LINGO2: variants seen among roughly 807,000 people sequenced by gnomAD.
LINGO2 encodes leucine-rich repeat and immunoglobulin-like domain-containing nogo receptor-interacting protein 2.
A neutral mutation model predicts 30.6 loss-of-function variants in LINGO2; 14 were observed. The ratio of observed to expected loss-of-function variants is 0.46; its 90% CI spans 0.30 to 0.72. The LOEUF is 0.72. Ranked by LOEUF, LINGO2 falls within the 30% of genes least tolerant of loss-of-function variation. The pLI, the probability that LINGO2 is intolerant of heterozygous loss-of-function variation, is 0.07. For missense variants in LINGO2, 729 were observed against 751.7 expected (o/e 0.97, Z 0.35); for synonymous variants, 317 against 288.5 (o/e 1.10, Z -1.00).
At chr9:28,985,172 T>A in the LINGO2 span, among the ~76,000 whole-genome samples, 1 of 152,124 alleles carries the variant, frequency 6.6e-6, no homozygotes, top group Non-Finnish European at 1.5e-5. Flanking sequence ...TCCAATTCCA[T>A]CCAAGTTGTT....
chr9:28,842,481 T>C, the LINGO2 span, among the ~76,000 whole-genome samples: 3 of 151,870 alleles, frequency 2.0e-5, no homozygotes, highest in Non-Finnish European at 4.4e-5. Flanking sequence ...ATGGAGATTG[T>C]CATGCCTTCT....
At chr9:28,680,595 C>T in the LINGO2 span, among the ~76,000 whole-genome samples, 6 of 152,062 alleles carry the variant, frequency 3.9e-5, no homozygotes, top group South Asian at 6.2e-4. Context: ...ACAGGGATTA[C>T]GTTTCTCCAC....
At chr9:29,134,009 T>C in the LINGO2 span, among the ~76,000 whole-genome samples, 10 of 152,180 alleles carry the variant, frequency 6.6e-5, no homozygotes, top group Non-Finnish European at 1.5e-4. Context: ...TAAGGCTCTA[T>C]ACTTAATAGC....
intron 1 of LINGO2, among the ~76,000 whole-genome samples, chr9:28,486,876 T>G (rs778125622): frequency 6.6e-6 from 1 of 152,096 alleles, no homozygotes; most frequent in Non-Finnish European, 1.5e-5. Flanking sequence ...GACTCTCTTT[T>G]GTAGGATGCT....
rs574837121 is a variant in LINGO2, at chr9:28,651,443, C to T, written c.-365+18757G>A. On this transcript the variant is annotated intron_variant, in intron 1 of 5. Transcript: ENST00000379992. ...CTCCCTCTGAGTCCCAGTGAGATAG[C>T]TCTGAGAACCTCTCATTCTACACTG... is the stretch of plus-strand genomic sequence containing the variant. Among the ~76,000 whole-genome samples, 7 of 152,096 alleles carry T rather than the reference C, an allele frequency of 4.6e-5. No individual in the cohort carries two copies. In the South Asian group the frequency reaches 1.5e-3, roughly 32 times the overall value.
chr9:29,129,678 G>A, the LINGO2 span, among the ~76,000 whole-genome samples: 4 of 151,998 alleles, frequency 2.6e-5, no homozygotes, highest in East Asian at 1.9e-4. Context: ...CAGAGGTTAC[G>A]TAAAAGTTAA....
intron 1 of LINGO2, among the ~76,000 whole-genome samples, chr9:28,538,705 G>A (rs1414008826): frequency 6.6e-6 from 1 of 152,110 alleles, no homozygotes; most frequent in East Asian, 1.9e-4. Flanking sequence ...GAAGGTGCAA[G>A]AAAGAGTGAA....
the LINGO2 span, among the ~76,000 whole-genome samples, chr9:28,845,022 T>C: frequency 6.6e-6 from 1 of 152,010 alleles, no homozygotes; most frequent in Non-Finnish European, 1.5e-5. Context: ...GTTCCCTGGA[T>C]GAATCATTCA....
intron 1 of LINGO2, among the ~76,000 whole-genome samples, chr9:28,510,916 C>T (rs972907100): frequency 1.3e-5 from 2 of 151,986 alleles, no homozygotes; most frequent in South Asian, 2.1e-4. Context: ...GTCTGATGTT[C>T]GAAGGCAGGA....
chr9:28,995,550 G>A, the LINGO2 span, among the ~76,000 whole-genome samples: 3 of 151,992 alleles, frequency 2.0e-5, no homozygotes. Flanking sequence ...AAATCATGCT[G>A]CTGTAAAGAC....
At chr9:28,780,660 T>C in the LINGO2 span, among the ~76,000 whole-genome samples, 1 of 152,154 alleles carries the variant, frequency 6.6e-6, no homozygotes, top group South Asian at 2.1e-4. Context: ...TTTCTTTTTA[T>C]CATTGTGTAT....
the LINGO2 span, among the ~76,000 whole-genome samples, chr9:28,715,570 G>A: frequency 2.6e-4 from 40 of 152,220 alleles, no homozygotes; most frequent in Non-Finnish European, 5.3e-4. Context: ...AGGTCAGGAA[G>A]AAGAGGTGGG....
At chr9:28,812,834 A>G in the LINGO2 span, among the ~76,000 whole-genome samples, 1 of 152,154 alleles carries the variant, frequency 6.6e-6, no homozygotes, top group Non-Finnish European at 1.5e-5. Context: ...ATCCTAAGTG[A>G]CATGATAAGG....
chr9:28,848,397 G>GTGTGTGTGTATATA, the LINGO2 span, among the ~76,000 whole-genome samples: 1 of 48,418 alleles, frequency 2.1e-5, no homozygotes, highest in Non-Finnish European at 3.9e-5. Context: ...GTGTGTGTGT[G>GTGTGTGTGTATATA]TATATATATA....
chr9:28,065,282 G>A (rs954224985), intron 4 of LINGO2, among the ~76,000 whole-genome samples: 2 of 151,594 alleles, frequency 1.3e-5, no homozygotes, highest in African/African-American at 4.8e-5. Context: ...GTTTGTATTT[G>A]TTTTGTTCAC....
chr9:28,275,934 T>C (rs1483982604), intron 4 of LINGO2, among the ~76,000 whole-genome samples: 1 of 152,136 alleles, frequency 6.6e-6, no homozygotes, highest in Non-Finnish European at 1.5e-5. Context: ...GAAACCACAA[T>C]CATTTGATCT....
the LINGO2 span, among the ~76,000 whole-genome samples, chr9:29,128,009 A>C: frequency 6.6e-6 from 1 of 152,094 alleles, no homozygotes; most frequent in Non-Finnish European, 1.5e-5. Context: ...TCCTATGACT[A>C]AAGCTCATGG....
At chr9:28,508,993 C>T (rs1236834237) in intron 1 of LINGO2, among the ~76,000 whole-genome samples, 1 of 152,096 alleles carries the variant, frequency 6.6e-6, no homozygotes, top group East Asian at 1.9e-4. Context: ...ATGCTACATA[C>T]TAATCTGCTG....
chr9:29,114,196 G>T, the LINGO2 span, among the ~76,000 whole-genome samples: 1 of 151,094 alleles, frequency 6.6e-6, no homozygotes, highest in African/African-American at 2.4e-5. Flanking sequence ...TTTAAGCAAA[G>T]CAATATATTT....
Sources: allele counts gnomAD v4.1 joint callset (sites outside exome capture counted in the v4.1 genomes callset), GRCh38; gene constraint gnomAD v4.1.1; transcripts MANE v1.5; gene names NCBI Gene and HGNC (gene_info 2026-07-23, HGNC 2026-07-21).